The following CDH12 variants were observed in gnomAD, a reference collection of about 807,000 sequenced individuals.
CDH12 encodes cadherin 12, also known as cadherin-12.
A neutral mutation model predicts 74.1 loss-of-function variants in CDH12; 41 were observed. The observed-to-expected ratio is 0.55, with a 90% CI of 0.43 to 0.72. The LOEUF (loss-of-function observed/expected upper bound fraction) is 0.72, where lower values mean the gene tolerates loss of function less well. Among genes scored for constraint, CDH12 ranks in the 30% least tolerant of loss-of-function variants. CDH12 has a pLI of 0.00. For synonymous variants in CDH12, 399 were observed against 355.0 expected, an observed-to-expected ratio of 1.12 and a Z score of -1.39; for missense variants, 945 against 977.2, an observed-to-expected ratio of 0.97 and a Z score of 0.44.
intron 1 of CDH12, among the ~76,000 whole-genome samples, chr5:22,508,090 T>G (rs1303468320): frequency 3.9e-5 from 6 of 152,176 alleles, no homozygotes; most frequent in Admixed American, 3.9e-4. Context: ...CGTTTTAAGA[T>G]CCTTTATTTA....
At chr5:22,369,140 A>AAATG (rs1741160932) in intron 3 of CDH12, among the ~76,000 whole-genome samples, 1 of 150,568 alleles carries the variant, frequency 6.6e-6, no homozygotes, top group Admixed American at 6.7e-5. Context: ...ATAAATAAAT[A>AAATG]AATGAATGAA....
chr5:22,666,947 C>T (rs79150020), intron 1 of CDH12, among the ~76,000 whole-genome samples: 2,288 of 152,280 alleles, frequency 0.015, 53 homozygotes, highest in African/African-American at 0.052. Context: ...ATATCTGACT[C>T]TAACTCCCTC....
chr5:22,412,417 A>G (rs973451079), intron 2 of CDH12, among the ~76,000 whole-genome samples: 17 of 151,994 alleles, frequency 1.1e-4, no homozygotes, highest in South Asian at 6.2e-4. Context: ...GTTAATCATT[A>G]TTAGAATGTC....
At chr5:22,339,727 A>G (rs1739760832) in intron 3 of CDH12, among the ~76,000 whole-genome samples, 1 of 152,206 alleles carries the variant, frequency 6.6e-6, no homozygotes, top group Non-Finnish European at 1.5e-5. Context: ...ATTTTAATGA[A>G]CAATATTCAC....
At chr5:22,372,710 T>C (rs971686925) in intron 3 of CDH12, among the ~76,000 whole-genome samples, 2 of 152,120 alleles carry the variant, frequency 1.3e-5, no homozygotes, top group Non-Finnish European at 2.9e-5. Flanking sequence ...CGTAGCTGCC[T>C]TCCCACACTT....
chr5:22,190,361 T>TATCTA (rs1467118233), intron 4 of CDH12, among the ~76,000 whole-genome samples: 3 of 87,796 alleles, frequency 3.4e-5, no homozygotes, highest in Non-Finnish European at 2.3e-5. Context: ...TCTGTCTGTC[T>TATCTA]ATCTATCTAT....
At chr5:22,465,041 G>A (rs1489282339) in intron 2 of CDH12, among the ~76,000 whole-genome samples, 1 of 111,290 alleles carries the variant, frequency 9.0e-6, no homozygotes, top group African/African-American at 3.4e-5. Flanking sequence ...GGGAGGGGGG[G>A]AAGGGAGGAA....
intron 3 of CDH12, among the ~76,000 whole-genome samples, chr5:22,402,804 G>T (rs1362786007): frequency 6.6e-6 from 1 of 152,140 alleles, no homozygotes; most frequent in Non-Finnish European, 1.5e-5. Context: ...CATCTTAGGA[G>T]AAGCCAGAAA....
chr5:22,193,286 T>C (rs1750412404), intron 4 of CDH12, among the ~76,000 whole-genome samples: 1 of 152,230 alleles, frequency 6.6e-6, no homozygotes, highest in Admixed American at 6.5e-5. Flanking sequence ...GGAGTAAACA[T>C]GTTCAGAATT....
chr5:22,649,820 G>A (rs1426163710), intron 1 of CDH12, among the ~76,000 whole-genome samples: 1 of 151,822 alleles, frequency 6.6e-6, no homozygotes, highest in African/African-American at 2.4e-5. Context: ...CATTATTAGA[G>A]AACCTCAATT....
At chr5:22,648,547 T>C (rs1282599481) in intron 1 of CDH12, among the ~76,000 whole-genome samples, 1 of 151,890 alleles carries the variant, frequency 6.6e-6, no homozygotes, top group Non-Finnish European at 1.5e-5. Flanking sequence ...CTAAGTTCTC[T>C]ACCGATATCC....
intron 8 of CDH12, among the ~76,000 whole-genome samples, chr5:21,818,017 T>C (rs936584789): frequency 1.6e-4 from 25 of 152,032 alleles, no homozygotes; most frequent in Admixed American, 1.3e-4. Context: ...ACAAGAAAGA[T>C]ATAGTGCATG....
Position 21,993,594 on chromosome 5 carries a change from AC to A in CDH12, c.232-18210del, listed in dbSNP as rs199868581. 8.0e-3 allele frequency among the ~76,000 whole-genome samples: 1,212 copies of A among 152,320 alleles called. 13 individuals are homozygous for A. The highest frequency in any genetic ancestry group is 0.027 in the African/African-American group (1,138 of 41,556). On this transcript the variant is annotated intron_variant, in intron 5 of 14. Transcript: ENST00000382254. ...ACACCCCAGCTCACAGCTGGCAGTA[AC>A]AAAGGAAACCTCAATCTTAAGAGAG...
At position 22,772,285 on chromosome 5, in the gene CDH12, T is replaced by G. The variant is rs76986001; in HGVS notation, c.-523+80773A>C. ...AAGTACAAAGTCCATGAGTCACGTG[T>G]ACTCGAGGAACAGCAAGAAGGCCAC... is the stretch of plus-strand genomic sequence containing the variant. On this transcript the variant is annotated intron_variant, in intron 1 of 14. Transcript: ENST00000382254. 2.0e-4 allele frequency among the ~76,000 whole-genome samples: 31 copies of G among 152,112 alleles called. No individual in the cohort carries two copies. The East Asian group carries it at 5.8e-3, about 29-fold the overall frequency.
chr5:21,898,168 A>G (rs374053656), intron 6 of CDH12, among the ~76,000 whole-genome samples: 1 of 152,074 alleles, frequency 6.6e-6, no homozygotes, highest in Admixed American at 6.5e-5. Context: ...GGAAAAATCT[A>G]TATGTAGGGC....
chr5:22,670,206 G>C (rs1273686579), intron 1 of CDH12, among the ~76,000 whole-genome samples: 1 of 152,008 alleles, frequency 6.6e-6, no homozygotes, highest in South Asian at 2.1e-4. Context: ...TTTAGAGAGA[G>C]AGACTTGCTA....
chr5:22,472,554 C>T (rs1746006342), intron 2 of CDH12, among the ~76,000 whole-genome samples: 1 of 152,078 alleles, frequency 6.6e-6, no homozygotes, highest in Admixed American at 6.6e-5. Flanking sequence ...AATTTAAATG[C>T]TAATATTTCC....
In CDH12 at chr5:21,985,055, TTTTC is replaced by T. The variant is rs545920424; in HGVS notation, c.232-9674_232-9671del. On this transcript the variant is annotated intron_variant, in intron 5 of 14. Coordinates refer to ENST00000382254, the MANE Select transcript of CDH12 (RefSeq NM_004061.5). ...TCTCTCTCCAAATATCTTTGTAGCA[TTTTC>T]TTTCTTTGTTTTCTGAACACGAAGC... Among the ~76,000 whole-genome samples the T allele has an allele frequency of 7.5e-3, 1,145 of 152,228 alleles. 14 individuals carry two copies. Among genetic ancestry groups the T allele is most frequent in the African/African-American group, 0.026 (1,090 of 41,540 alleles).
Position 22,616,068 on chromosome 5 carries a change from C to T in CDH12, c.-522-110704G>A, listed in dbSNP as rs1737672974. Among the ~76,000 whole-genome samples the T allele has an allele frequency of 2.6e-5, 4 of 152,100 alleles. No homozygotes were observed. The South Asian group carries it at 8.3e-4, about 31-fold the overall frequency. ...GATAGGAGGACCAGAATTTTGAGTG[C>T]TTGGTGATTTGCAATAATATTCAGT... On this transcript the variant is annotated intron_variant, in intron 1 of 14. Transcript: ENST00000382254.
Sources: allele counts gnomAD v4.1 joint callset (sites outside exome capture counted in the v4.1 genomes callset), GRCh38; gene constraint gnomAD v4.1.1; transcripts MANE v1.5; gene names NCBI Gene and HGNC (gene_info 2026-07-23, HGNC 2026-07-21).